The following TCF12 variants were observed in gnomAD, a reference collection of about 807,000 sequenced individuals.
TCF12 encodes the protein DNA-binding protein HTF4.
TCF12 carries 45 observed loss-of-function variants against 86.0 expected under a neutral mutation model. The ratio of observed to expected loss-of-function variants is 0.52; its 90% confidence interval spans 0.41 to 0.67. The LOEUF (loss-of-function observed/expected upper bound fraction) is 0.67, where lower values mean the gene tolerates loss of function less well. Among genes scored for constraint, TCF12 ranks in the 30% least tolerant of loss-of-function variants. The probability of loss-of-function intolerance (pLI) is 0.00; values close to 1 mark genes in which losing one functional copy is unlikely to be tolerated. For missense variants in TCF12, 881 were observed against 859.9 expected (o/e 1.02, Z -0.31); for synonymous variants, 330 against 299.6 (o/e 1.10, Z -1.05).
intron 4 of TCF12, 40 bp downstream of exon 4, chr15:57,063,863 G>A: frequency 2.0e-6 from 3 of 1,464,460 alleles, no homozygotes; most frequent in Non-Finnish European, 2.8e-6. Flanking sequence ...GCTGTAATTT[G>A]GCAGACTACG....
chr15:57,018,286 TTGATTAG>T (rs1456587116), intron 3 of TCF12, among the ~76,000 whole-genome samples: 4 of 152,132 alleles, frequency 2.6e-5, no homozygotes, highest in Admixed American at 2.6e-4. Context: ...AGAAATAACA[TTGATTAG>T]TGATTGGCTA....
At chr15:57,121,424 A>ATG (rs1246946985) in intron 5 of TCF12, among the ~76,000 whole-genome samples, 2 of 152,206 alleles carry the variant, frequency 1.3e-5, no homozygotes, top group East Asian at 3.8e-4. Flanking sequence ...TTAACCCTCA[A>ATG]TGCAACAGTG....
intron 3 of TCF12, among the ~76,000 whole-genome samples, chr15:56,932,587 G>T (rs2060295375): frequency 2.0e-5 from 3 of 151,642 alleles, no homozygotes; most frequent in Admixed American, 2.0e-4. Flanking sequence ...ATTATTTTGG[G>T]AGACAGAGTG....
At chr15:57,075,823 TCTCTCTCTCTCTTTTC>T (rs2069914565) in intron 4 of TCF12, among the ~76,000 whole-genome samples, 3 of 52,080 alleles carry the variant, frequency 5.8e-5, no homozygotes, top group Admixed American at 5.6e-4. Flanking sequence ...TCTCTCTCTC[TCTCTCTCTCTCTTTTC>T]TTTCTTTCTT....
At chr15:56,986,398 T>C (rs557183270) in intron 3 of TCF12, among the ~76,000 whole-genome samples, 12 of 152,148 alleles carry the variant, frequency 7.9e-5, no homozygotes, top group Admixed American at 2.0e-4. Flanking sequence ...TTTACACTTA[T>C]AGGCTTTTAT....
In TCF12 at chr15:57,289,584, C is replaced by A. The variant is rs571964025; in HGVS notation, c.*3439C>A. On this transcript the variant is annotated 3_prime_UTR_variant, in exon 21 of 21. Coordinates refer to ENST00000333725, the MANE Select transcript of TCF12 (RefSeq NM_207037.2). The stretch of plus-strand genomic sequence containing the variant: ...CATGTTTTCTTTTTCCTTGGAAACT[C>A]AAAATTTAAACACACGTCGTGTGTG... The A allele has an allele frequency of 6.8e-6, 1 of 147,794 alleles. No individual in the cohort carries two copies. The highest frequency in any genetic ancestry group is 2.6e-5 in the African/African-American group (1 of 38,386). The allele number at this position is 147,794 out of a possible 1,614,324, so 9.2% of individuals were successfully genotyped here.
upstream of TCF12, chr15:56,918,417 C>G (rs1326286801): frequency 5.6e-6 from 2 of 359,758 alleles, no homozygotes; most frequent in Non-Finnish European, 1.1e-5. Context: ...CGGTCGGGGC[C>G]TGCTTCTCGA....
intron 5 of TCF12, among the ~76,000 whole-genome samples, chr15:57,155,442 G>A (rs2054048095): frequency 2.0e-5 from 3 of 152,090 alleles, no homozygotes; most frequent in Admixed American, 6.5e-5. Flanking sequence ...CAATACTGGA[G>A]ACAGCTCAAT....
At chr15:57,215,759 A>T (rs2058307647) in intron 8 of TCF12, among the ~76,000 whole-genome samples, 1 of 152,186 alleles carries the variant, frequency 6.6e-6, no homozygotes, top group African/African-American at 2.4e-5. Flanking sequence ...TTACCTTTAG[A>T]AACATTCTTG....
At chr15:56,956,043 C>G (rs1420199640) in intron 3 of TCF12, among the ~76,000 whole-genome samples, 2 of 152,008 alleles carry the variant, frequency 1.3e-5, no homozygotes, top group African/African-American at 4.8e-5. Flanking sequence ...TTTATATATA[C>G]ACTTCAGGTT....
chr15:56,935,683 A>G (rs547671495), intron 3 of TCF12, among the ~76,000 whole-genome samples: 15 of 152,192 alleles, frequency 9.9e-5, no homozygotes, highest in African/African-American at 3.4e-4. Context: ...ATACCTTTGT[A>G]TCTCATAGTT....
intron 8 of TCF12, among the ~76,000 whole-genome samples, chr15:57,225,284 A>T (rs1245638871): frequency 8.4e-6 from 1 of 119,698 alleles, no homozygotes; most frequent in Non-Finnish European, 1.6e-5. Flanking sequence ...CCCAGACTGG[A>T]GTGCAGTGGC....
intron 13 of TCF12, among the ~76,000 whole-genome samples, chr15:57,245,850 T>C (rs1396908448): frequency 6.6e-6 from 1 of 152,178 alleles, no homozygotes; most frequent in Admixed American, 6.5e-5. Flanking sequence ...TTTCACATAC[T>C]TGTGTTGAAA....
chr15:57,282,692 A>C, intron 20 of TCF12, 94 bp downstream of exon 20: 3 of 1,421,826 alleles, frequency 2.1e-6, no homozygotes, highest in Non-Finnish European at 2.9e-6. Flanking sequence ...TCTAGTGAGC[A>C]GTGGCCATTG....
intron 3 of TCF12, among the ~76,000 whole-genome samples, chr15:57,056,116 GGTGTGTGTGTGT>G (rs137934114): frequency 2.8e-5 from 4 of 143,238 alleles, no homozygotes; most frequent in South Asian, 4.6e-4. Context: ...TAGTTTTAGG[GGTGTGTGTGTGT>G]GTGTGTGTGT....
At chr15:57,136,962 TTTTTTTTG>T (rs1198975857) in intron 5 of TCF12, among the ~76,000 whole-genome samples, 3,966 of 16,168 alleles carry the variant, frequency 0.25, 1,052 homozygotes, top group African/African-American at 0.36. Flanking sequence ...CTGGCAGTTT[TTTTTTTTG>T]TTTTTTTTTT....
intron 18 of TCF12, among the ~76,000 whole-genome samples, chr15:57,269,654 T>C (rs1306659800): frequency 6.6e-6 from 1 of 152,130 alleles, no homozygotes; most frequent in Non-Finnish European, 1.5e-5. Context: ...ATAGCATCGA[T>C]GGTCTTTACA....
In TCF12 at chr15:57,255,360, A is replaced by G. The variant is rs189663383; in HGVS notation, c.1467+1892A>G. Among the ~76,000 whole-genome samples the G allele has an allele frequency of 1.7e-3, 262 of 152,354 alleles. 1 individual carries two copies. Among genetic ancestry groups the G allele is most frequent in the East Asian group, 8.9e-3 (46 of 5,188 alleles). On this transcript the variant is annotated intron_variant, in intron 16 of 20. Transcript: ENST00000333725. Reference sequence around the variant, plus strand: ...GACTGTTAGAGGGAAAAACTCTTTCATTGGATGGCACCCTAAAACTTATAA... The same window carrying G: ...GACTGTTAGAGGGAAAAACTCTTTCGTTGGATGGCACCCTAAAACTTATAA...
intron 3 of TCF12, among the ~76,000 whole-genome samples, chr15:56,933,290 G>C (rs568783299): frequency 3.9e-5 from 6 of 152,270 alleles, no homozygotes; most frequent in African/African-American, 9.6e-5. Context: ...TTAAATGAAA[G>C]GTAATAATGC....
Sources: allele counts gnomAD v4.1 joint callset (sites outside exome capture counted in the v4.1 genomes callset), GRCh38; gene constraint gnomAD v4.1.1; transcripts MANE v1.5; gene names NCBI Gene and HGNC (gene_info 2026-07-23, HGNC 2026-07-21).